The following NDST1 variants were observed in gnomAD, a reference collection of about 807,000 sequenced individuals.
NDST1 encodes bifunctional heparan sulfate N-deacetylase/N-sulfotransferase 1.
A neutral mutation model predicts 92.8 loss-of-function variants in NDST1; 35 were observed. The observed-to-expected ratio is 0.38, with a 90% confidence interval of 0.29 to 0.50. The LOEUF (loss-of-function observed/expected upper bound fraction) is 0.50. Ranked by LOEUF, NDST1 falls within the 20% of genes least tolerant of loss-of-function variation. NDST1 has a pLI of 0.94. For missense variants in NDST1, 822 were observed against 1,182.7 expected (o/e 0.69, Z 4.47); for synonymous variants, 493 against 500.3 (o/e 0.99, Z 0.19).
chr5:150,520,953 C>T lies in NDST1; in HGVS notation c.-302C>T. 1 of 557,194 alleles carries T rather than the reference C, an allele frequency of 1.8e-6. No homozygotes were observed. The highest frequency in any genetic ancestry group is 3.2e-6 in the Non-Finnish European group (1 of 316,604). 34.5% of individuals were successfully genotyped at this position (557,194 alleles called of 1,614,324 possible). ...TCCTCTGGCCTGCTGCCCTGCACCCCCAGAAGGCCCTGACGCCCTGGGGCA... is the reference window on the plus strand; with the variant it reads ...TCCTCTGGCCTGCTGCCCTGCACCCTCAGAAGGCCCTGACGCCCTGGGGCA... On this transcript the variant is annotated 5_prime_UTR_variant, in exon 2 of 15. Coordinates refer to ENST00000261797, the MANE Select transcript of NDST1 (RefSeq NM_001543.5).
At chr5:150,547,471 G>T (rs1755539023) in intron 11 of NDST1, among the ~76,000 whole-genome samples, 1 of 152,206 alleles carries the variant, frequency 6.6e-6, no homozygotes, top group Admixed American at 6.5e-5. Flanking sequence ...GAATTCTGCA[G>T]ATTCGGACCT....
At chr5:150,539,110 G>T in intron 6 of NDST1, 118 bp from the exon 7 acceptor site, 4 of 830,420 alleles carry the variant, frequency 4.8e-6, no homozygotes, top group Non-Finnish European at 8.2e-6. Flanking sequence ...GGGGCTGTGC[G>T]ACCACATGGA....
chr5:150,527,899 G>A lies in NDST1; in HGVS notation c.609G>A (p.Lys203=). Residue 203 remains lysine (K), a synonymous_variant, in exon 3 of 15, where the codon AAG becomes AAA. Transcript: ENST00000261797. ...LGLKDCSINP[K]SPLLYVTRPS... ...TGAAGGACTGCAGCATCAACCCCAA[G>A]TCCCCGCTGCTCTACGTGACGCGAC... 1 of 1,614,200 alleles carries A rather than the reference G, an allele frequency of 6.2e-7. No individual in the cohort carries two copies. Among genetic ancestry groups the A allele is most frequent in the South Asian group, 1.1e-5 (1 of 91,090 alleles).
At chr5:150,527,452 G>C (rs73272691) in intron 2 of NDST1, among the ~76,000 whole-genome samples, 5,550 of 152,254 alleles carry the variant, frequency 0.036, 332 homozygotes, top group African/African-American at 0.13. Flanking sequence ...AGTCTAGCAG[G>C]ATTCATGTTC....
chr5:150,545,991 CTTTT>C (rs34937690), intron 11 of NDST1, among the ~76,000 whole-genome samples: 14 of 83,690 alleles, frequency 1.7e-4, no homozygotes, highest in Admixed American at 1.4e-4. Context: ...CCAGAGCTGT[CTTTT>C]TTTTTTTTTT....
intron 9 of NDST1, among the ~76,000 whole-genome samples, chr5:150,542,117 CA>C (rs1180918758): frequency 6.6e-6 from 1 of 152,192 alleles, no homozygotes; most frequent in Non-Finnish European, 1.5e-5. Flanking sequence ...ATTTTGTAGA[CA>C]GAAACTCAAG....
intron 9 of NDST1, among the ~76,000 whole-genome samples, chr5:150,542,084 G>A (rs1377336376): frequency 6.6e-6 from 1 of 152,160 alleles, no homozygotes; most frequent in African/African-American, 2.4e-5. Flanking sequence ...ATACAACCCT[G>A]CAAGGCACAA....
At chr5:150,530,148 G>C (rs1194138096) in intron 3 of NDST1, among the ~76,000 whole-genome samples, 2 of 152,186 alleles carry the variant, frequency 1.3e-5, no homozygotes, top group Non-Finnish European at 2.9e-5. Context: ...TAGCTGGGGT[G>C]GGGGTTAGGG....
chr5:150,538,228 C>T (rs13169776), intron 6 of NDST1, among the ~76,000 whole-genome samples: 46,513 of 151,392 alleles, frequency 0.31, 8,665 homozygotes, highest in Non-Finnish European at 0.4. Context: ...TAGATGAGGT[C>T]GGGGTGGGTG....
intron 1 of NDST1, among the ~76,000 whole-genome samples, chr5:150,516,234 A>C (rs1753959125): frequency 6.6e-6 from 1 of 152,180 alleles, no homozygotes; most frequent in African/African-American, 2.4e-5. Context: ...CCCTCTGTGA[A>C]ATGAGCTGCC....
chr5:150,533,180 A>G (rs1051571536), intron 4 of NDST1, 148 bp downstream of exon 4: 29 of 787,902 alleles, frequency 3.7e-5, no homozygotes, highest in Non-Finnish European at 6.3e-5. Context: ...TGGAGCCAAC[A>G]GCCTACAAGA....
Position 150,534,895 on chromosome 5 carries a change from T to A in NDST1, c.1125T>A (p.Asp375Glu), listed in dbSNP as rs1754915591. Residue 375 changes from aspartate to glutamate, a missense_variant, in exon 5 of 15, where the codon GAT (aspartate) becomes GAA (glutamate). Coordinates refer to ENST00000261797, the MANE Select transcript of NDST1 (RefSeq NM_001543.5). ...CCAATGCTGAGGACGCTGGGGATGA[T>A]CTGCTGCTGTCGTATGTGAAGGAGT... ...TGTNAEDAGD[D>E]LLLSYVKEFW... 1.2e-6 allele frequency: 2 copies of A among 1,614,148 alleles called. No individual in the cohort carries two copies. The highest frequency in any genetic ancestry group is 2.2e-5 in the South Asian group (2 of 91,092).
chr5:150,537,980 T>C (rs552347889), intron 6 of NDST1, among the ~76,000 whole-genome samples: 4 of 152,344 alleles, frequency 2.6e-5, no homozygotes, highest in African/African-American at 9.6e-5. Flanking sequence ...AGTGGTCAGA[T>C]GGTGATGAGT....
intron 4 of NDST1, 56 bp from the exon 5 acceptor site, chr5:150,534,811 A>C: frequency 2.5e-6 from 4 of 1,607,554 alleles, no homozygotes; most frequent in Non-Finnish European, 3.4e-6. Context: ...GCACAGGCCC[A>C]GGTTAGAGGG....
At position 150,548,235 on chromosome 5, in the gene NDST1, C is replaced by T. The variant is rs1336202242; in HGVS notation, c.2163C>T (p.Asp721=). Residue 721 remains aspartate, a synonymous_variant, in exon 12 of 15, where the codon GAC becomes GAT. Transcript: ENST00000261797. The stretch of plus-strand genomic sequence containing the variant: ...GCCTGCAGCACCAGCGAGCCCATGA[C>T]GACCCAGTGGCCCTAAAGTACACCT... The part of the protein sequence containing the change: ...YSWYQHQRAH[D]DPVALKYTFH... 8 of 1,614,088 alleles carry T rather than the reference C, an allele frequency of 5.0e-6. No homozygotes were observed. The East Asian group carries it at 1.1e-4, about 22-fold the overall frequency.
intron 3 of NDST1, among the ~76,000 whole-genome samples, chr5:150,531,564 T>C (rs1754738579): frequency 6.6e-6 from 1 of 150,642 alleles, no homozygotes; most frequent in Non-Finnish European, 1.5e-5. Flanking sequence ...GCAGTGACGT[T>C]ATCTCGGCTC....
intron 2 of NDST1, among the ~76,000 whole-genome samples, chr5:150,525,525 G>A (rs1754433792): frequency 6.6e-6 from 1 of 152,204 alleles, no homozygotes; most frequent in Admixed American, 6.5e-5. Context: ...TGGAGTTGGG[G>A]AGGTAGCTGA....
chr5:150,518,215 C>A (rs1754071846), intron 1 of NDST1, among the ~76,000 whole-genome samples: 1 of 152,036 alleles, frequency 6.6e-6, no homozygotes, highest in East Asian at 1.9e-4. Flanking sequence ...AGCTTAGGTA[C>A]CCTTCCTCCA....
intron 12 of NDST1, among the ~76,000 whole-genome samples, chr5:150,548,589 T>G (rs1444302552): frequency 1.3e-5 from 2 of 152,144 alleles, no homozygotes; most frequent in Admixed American, 6.5e-5. Flanking sequence ...CAGGCTGGAG[T>G]GCAGTGGTGT....
Sources: allele counts gnomAD v4.1 joint callset (sites outside exome capture counted in the v4.1 genomes callset), GRCh38; gene constraint gnomAD v4.1.1; transcripts MANE v1.5; gene names NCBI Gene and HGNC (gene_info 2026-07-23, HGNC 2026-07-21).